MACROD1: variants seen among roughly 807,000 people sequenced by gnomAD.
The protein encoded by MACROD1 is ADP-ribose glycohydrolase MACROD1.
MACROD1 carries 31 observed loss-of-function variants against 41.4 expected under a neutral mutation model. The ratio of observed to expected loss-of-function variants is 0.75; its 90% CI spans 0.56 to 1.01. MACROD1 has a LOEUF of 1.01. MACROD1 is among the 50% of genes least tolerant of loss of function. The pLI is 0.00. For missense variants in MACROD1, 473 were observed against 460.0 expected, an observed-to-expected ratio of 1.03 and a Z score of -0.26; for synonymous variants, 252 against 203.4, an observed-to-expected ratio of 1.24 and a Z score of -2.03.
intron 3 of MACROD1, among the ~76,000 whole-genome samples, chr11:64,045,519 C>A (rs992602638): frequency 6.6e-6 from 1 of 152,164 alleles, no homozygotes; most frequent in Non-Finnish European, 1.5e-5. Flanking sequence ...GCTCTACCAC[C>A]CCTATCCCAG....
intron 3 of MACROD1, among the ~76,000 whole-genome samples, chr11:64,093,250 A>T (rs1455209282): frequency 6.6e-6 from 1 of 152,236 alleles, no homozygotes; most frequent in Admixed American, 6.5e-5. Flanking sequence ...ATTATTATCC[A>T]CATCAACATC....
chr11:64,070,848 G>A (rs12360719), intron 3 of MACROD1, among the ~76,000 whole-genome samples: 24,956 of 152,094 alleles, frequency 0.16, 2,929 homozygotes, highest in East Asian at 0.49. Flanking sequence ...TTGGAAGAGG[G>A]GAGAGGAGGA....
chr11:64,153,874 C>A (rs1945623101), intron 1 of MACROD1, among the ~76,000 whole-genome samples: 1 of 152,102 alleles, frequency 6.6e-6, no homozygotes, highest in Admixed American at 6.5e-5. Context: ...GCTGCAGGTC[C>A]CCCTCCACCA....
rs762387650 is a variant in MACROD1, at chr11:64,118,024, G to A, written c.517+33215C>T. ...CACCAGGCTGGCGAGCTGCTGACCC[G>A]GGAGAGGGCCTACAACCGGGGCAGC... On this transcript the variant is annotated intron_variant, in intron 3 of 10. Coordinates refer to ENST00000255681, the MANE Select transcript of MACROD1 (RefSeq NM_014067.4). 5.5e-5 allele frequency: 88 copies of A among 1,613,506 alleles called. 1 individual carries two copies. In the Admixed American group the frequency reaches 7.0e-4, roughly 13 times the overall value.
rs914007552 is a variant in MACROD1, at chr11:64,082,240, T to G, written c.518-66959A>C. Reference sequence around the variant, plus strand: ...GGTGCTCTCGGCAGCACTGGGCCCCTGCTTAGCAGAGGATGGCTGAGCCTG... The same window carrying G: ...GGTGCTCTCGGCAGCACTGGGCCCCGGCTTAGCAGAGGATGGCTGAGCCTG... On this transcript the variant is annotated intron_variant, in intron 3 of 10. Coordinates refer to ENST00000255681, the MANE Select transcript of MACROD1 (RefSeq NM_014067.4). The surrounding 1 kb of genome is among the most constrained non-coding windows in gnomAD (Gnocchi z 4.5). 3.3e-5 allele frequency among the ~76,000 whole-genome samples: 5 copies of G among 151,866 alleles called. No individual in the cohort carries two copies. The highest frequency in any genetic ancestry group is 6.6e-5 in the Admixed American group (1 of 15,266).
rs776639848 is a variant in MACROD1, at chr11:64,118,278, T to C, written c.517+32961A>G. On this transcript the variant is annotated intron_variant, in intron 3 of 10. Coordinates refer to ENST00000255681, the MANE Select transcript of MACROD1 (RefSeq NM_014067.4). The stretch of plus-strand genomic sequence containing the variant: ...GGACGGCGGCATCCCCGACATAGAC[T>C]ACTCCTACACATGATGCCCGCCCAC... The C allele has an allele frequency of 4.4e-6, 7 of 1,582,446 alleles. No homozygotes were observed. In the Admixed American group the frequency reaches 5.1e-5, roughly 12 times the overall value.
chr11:64,127,251 T>G (rs1202728712), intron 3 of MACROD1, among the ~76,000 whole-genome samples: 1 of 152,284 alleles, frequency 6.6e-6, no homozygotes, highest in Non-Finnish European at 1.5e-5. Context: ...TCCACTTGCC[T>G]TGTTCTTTCT....
chr11:64,106,161 T>C (rs1944759396), intron 3 of MACROD1, among the ~76,000 whole-genome samples: 2 of 152,056 alleles, frequency 1.3e-5, no homozygotes, highest in Non-Finnish European at 2.9e-5. Flanking sequence ...GTAGGAGACC[T>C]GGGAAGGGGA....
In MACROD1 at chr11:64,062,997, G is replaced by A. The variant is rs147704138; in HGVS notation, c.518-47716C>T. On this transcript the variant is annotated intron_variant, in intron 3 of 10. Transcript: ENST00000255681. ...ACAGCTGCAAGGGGACAGGGCTCCC[G>A]GCCCATCTTCCGAGCTGTGAGGGAT... Among the ~76,000 whole-genome samples the A allele has an allele frequency of 4.7e-3, 712 of 152,320 alleles. 6 individuals are homozygous for A. Among genetic ancestry groups the A allele is most frequent in the African/African-American group, 0.016 (680 of 41,564 alleles).
At chr11:64,132,631 C>G (rs1208674434) in intron 3 of MACROD1, among the ~76,000 whole-genome samples, 1 of 152,304 alleles carries the variant, frequency 6.6e-6, no homozygotes, top group East Asian at 1.9e-4. Context: ...AGCCCGCGGT[C>G]CTCAGGAAGC....
At chr11:64,118,558 G>A in intron 3 of MACROD1, 1 of 406,176 alleles carries the variant, frequency 2.5e-6, no homozygotes, top group Non-Finnish European at 4.5e-6. Context: ...GGGGAGGGAA[G>A]GACTAAAAAT....
chr11:64,000,107 G>A (rs1476965371), intron 5 of MACROD1, 120 bp downstream of exon 5: 3 of 772,382 alleles, frequency 3.9e-6, no homozygotes, highest in Non-Finnish European at 6.2e-6. Flanking sequence ...GGCCCTTAAG[G>A]TTAAGAAGGG....
At chr11:64,047,392 C>T (rs1037563829) in intron 3 of MACROD1, among the ~76,000 whole-genome samples, 3 of 152,164 alleles carry the variant, frequency 2.0e-5, no homozygotes, top group Non-Finnish European at 2.9e-5. Flanking sequence ...ACCCAGCAAT[C>T]GGAGGAGATA....
chr11:64,149,052 CAGG>C, intron 3 of MACROD1: 4 of 984,800 alleles, frequency 4.1e-6, no homozygotes, highest in African/African-American at 1.7e-5. Context: ...AAAAAGATCC[CAGG>C]AGAACACACC....
chr11:64,133,051 C>A (rs1191644234), intron 3 of MACROD1, among the ~76,000 whole-genome samples: 1 of 152,094 alleles, frequency 6.6e-6, no homozygotes, highest in Non-Finnish European at 1.5e-5. Flanking sequence ...AAATGCACAC[C>A]CATGAGCCCC....
At chr11:64,140,442 C>G (rs1945396130) in intron 3 of MACROD1, among the ~76,000 whole-genome samples, 1 of 152,226 alleles carries the variant, frequency 6.6e-6, no homozygotes, top group African/African-American at 2.4e-5. Context: ...GATTCCCTAC[C>G]ACGAATATGG....
chr11:64,116,217 A>G (rs746856815), intron 3 of MACROD1: 12 of 1,557,716 alleles, frequency 7.7e-6, no homozygotes, highest in South Asian at 4.8e-5. Context: ...TGCTCCTTGC[A>G]GGTATTCAGG....
At chr11:64,038,355 A>C (rs537229685) in intron 3 of MACROD1, among the ~76,000 whole-genome samples, 8 of 152,270 alleles carry the variant, frequency 5.3e-5, no homozygotes, top group Admixed American at 1.3e-4. Flanking sequence ...TCCCACAGAG[A>C]GGATGTCTGG....
Position 64,118,145 on chromosome 11 carries a change from G to A in MACROD1, c.517+33094C>T, listed in dbSNP as rs143811913. The A allele has an allele frequency of 1.7e-4, 281 of 1,613,832 alleles. No individual in the cohort carries two copies. The African/African-American group carries it at 2.9e-3, about 17-fold the overall frequency. ...GGCTGCAGATGCTGCCCATCAACCC[G>A]TACCGCGCCAAAGAAGAGTACGTGG... On this transcript the variant is annotated intron_variant, in intron 3 of 10. Coordinates refer to ENST00000255681, the MANE Select transcript of MACROD1 (RefSeq NM_014067.4).
Sources: allele counts gnomAD v4.1 joint callset (sites outside exome capture counted in the v4.1 genomes callset), GRCh38; gene constraint gnomAD v4.1.1; non-coding constraint Gnocchi (gnomAD v3.1); transcripts MANE v1.5; gene names NCBI Gene and HGNC (gene_info 2026-07-23, HGNC 2026-07-21).